RHOH: variants seen among roughly 807,000 people sequenced by gnomAD.
RHOH encodes rho-related GTP-binding protein RhoH.
Under a neutral mutation model 13.8 loss-of-function variants are expected in RHOH, and 6 were observed. That is an observed-to-expected ratio of 0.44 (90% confidence interval 0.24 to 0.86). RHOH has a LOEUF of 0.86. RHOH is among the 40% of genes least tolerant of loss of function. The pLI is 0.24. For synonymous variants in RHOH, 117 were observed against 103.0 expected (o/e 1.14, Z -0.82); for missense variants, 147 against 244.5 (o/e 0.60, Z 2.66).
chr4:40,202,228 C>T (rs900573167), intron 1 of RHOH, among the ~76,000 whole-genome samples: 3 of 152,020 alleles, frequency 2.0e-5, no homozygotes, highest in East Asian at 1.9e-4. Flanking sequence ...ATTACAGGCA[C>T]GTCACTGCGC....
At chr4:40,224,836 G>T (rs763650123) in intron 1 of RHOH, among the ~76,000 whole-genome samples, 1 of 152,248 alleles carries the variant, frequency 6.6e-6, no homozygotes, top group Non-Finnish European at 1.5e-5. Context: ...AAAGGAGAAT[G>T]CAAACTACAA....
chr4:40,211,262 A>T (rs1209346240), intron 1 of RHOH, among the ~76,000 whole-genome samples: 1 of 151,762 alleles, frequency 6.6e-6, no homozygotes, highest in African/African-American at 2.4e-5. Context: ...TTTTTTTTAA[A>T]TTTTATTTAT....
At chr4:40,226,556 A>G (rs1001140811) in intron 1 of RHOH, among the ~76,000 whole-genome samples, 1 of 151,792 alleles carries the variant, frequency 6.6e-6, no homozygotes, top group Non-Finnish European at 1.5e-5. Context: ...GAAAAAGAAA[A>G]AAATATCTAA....
At chr4:40,206,318 A>G (rs1724632271) in intron 1 of RHOH, among the ~76,000 whole-genome samples, 1 of 149,508 alleles carries the variant, frequency 6.7e-6, no homozygotes, top group Non-Finnish European at 1.5e-5. Flanking sequence ...CCTTTCTTGC[A>G]TTTTTTTTTC....
chr4:40,200,557 C>G lies in RHOH; in HGVS notation c.-331+3257C>G, dbSNP rs1440957022. The G allele has an allele frequency of 2.6e-5, 4 of 152,124 alleles. 1 individual carries two copies. Among genetic ancestry groups the G allele is most frequent in the Admixed American group, 2.6e-4 (4 of 15,282 alleles). The allele number at this position is 152,124 out of a possible 1,614,324, so 9.4% of individuals were successfully genotyped here. On this transcript the variant is annotated intron_variant, in intron 1 of 2. Transcript: ENST00000381799. Reference sequence around the variant, plus strand: ...AATCCAGAACTCTCCTACCAGGGCCCCAGAAACCGTAAGTTGAATAAGTGC... The same window carrying G: ...AATCCAGAACTCTCCTACCAGGGCCGCAGAAACCGTAAGTTGAATAAGTGC...
At chr4:40,202,589 G>C (rs1055571937) in intron 1 of RHOH, among the ~76,000 whole-genome samples, 1 of 152,220 alleles carries the variant, frequency 6.6e-6, no homozygotes, top group Non-Finnish European at 1.5e-5. Context: ...TTAACCGGTA[G>C]ATGTTACTGT....
At chr4:40,233,017 T>A (rs1166733180) in intron 1 of RHOH, among the ~76,000 whole-genome samples, 2 of 152,214 alleles carry the variant, frequency 1.3e-5, no homozygotes, top group Non-Finnish European at 2.9e-5. Context: ...TACTATTTGC[T>A]AGTACCTGTT....
intron 1 of RHOH, among the ~76,000 whole-genome samples, chr4:40,198,020 T>G (rs1723438981): frequency 1.3e-5 from 2 of 152,170 alleles, no homozygotes; most frequent in Non-Finnish European, 2.9e-5. Context: ...GCTGGTGCCG[T>G]GGAGGATATA....
At chr4:40,232,391 ATT>A (rs11324243) in intron 1 of RHOH, among the ~76,000 whole-genome samples, 135 of 147,774 alleles carry the variant, frequency 9.1e-4, no homozygotes, top group Admixed American at 9.4e-4. Flanking sequence ...TGCCTGGCTA[ATT>A]TTTTTTTTTT....
At chr4:40,220,597 A>G (rs1443054511) in intron 1 of RHOH, among the ~76,000 whole-genome samples, 1 of 152,152 alleles carries the variant, frequency 6.6e-6, no homozygotes, top group Non-Finnish European at 1.5e-5. Flanking sequence ...CAGAGACATT[A>G]TTAACTAAGT....
At chr4:40,223,260 C>G (rs1726797980) in intron 1 of RHOH, among the ~76,000 whole-genome samples, 2 of 152,168 alleles carry the variant, frequency 1.3e-5, no homozygotes, top group South Asian at 2.1e-4. Context: ...GCAAGAAGTT[C>G]TGCTGTGGAT....
chr4:40,195,354 TTTCCTTCCTTCCTTCCTTCC>T (rs376202855), upstream of RHOH, among the ~76,000 whole-genome samples: 114 of 92,046 alleles, frequency 1.2e-3, 1 homozygote, highest in African/African-American at 3.0e-3. Context: ...CTTTCTTTCT[TTTCCTTCCTTCCTTCCTTCC>T]TTCCTTCCTT....
upstream of RHOH, among the ~76,000 whole-genome samples, chr4:40,196,236 C>T (rs534354452): frequency 1.3e-5 from 2 of 152,186 alleles, no homozygotes; most frequent in African/African-American, 4.8e-5. Context: ...TTTGACCAAG[C>T]TATCACCGTG....
At chr4:40,229,293 T>A (rs1560277504) in intron 1 of RHOH, among the ~76,000 whole-genome samples, 1 of 152,170 alleles carries the variant, frequency 6.6e-6, no homozygotes. Context: ...CTTTTCTCTT[T>A]TGGTGATGCT....
At chr4:40,220,904 A>T (rs1437620341) in intron 1 of RHOH, among the ~76,000 whole-genome samples, 1 of 152,254 alleles carries the variant, frequency 6.6e-6, no homozygotes, top group Non-Finnish European at 1.5e-5. Flanking sequence ...TCTGATCCTT[A>T]ATCAGAAGCT....
At chr4:40,232,031 C>A (rs1728005555) in intron 1 of RHOH, among the ~76,000 whole-genome samples, 1 of 152,214 alleles carries the variant, frequency 6.6e-6, no homozygotes, top group African/African-American at 2.4e-5. Flanking sequence ...CAGGTAGCAC[C>A]TTTTTCCCTT....
intron 1 of RHOH, among the ~76,000 whole-genome samples, chr4:40,221,234 A>G (rs180993857): frequency 1.1e-3 from 162 of 152,316 alleles, no homozygotes; most frequent in Non-Finnish European, 1.9e-3. Context: ...GGGAAGATAG[A>G]TCGCACCAGA....
intron 1 of RHOH, among the ~76,000 whole-genome samples, chr4:40,208,215 T>TG (rs1389969166): frequency 2.6e-5 from 4 of 152,300 alleles, no homozygotes; most frequent in African/African-American, 9.6e-5. Flanking sequence ...TAAATGTTAG[T>TG]GCTCCTTCCT....
intron 1 of RHOH, among the ~76,000 whole-genome samples, chr4:40,198,524 A>G (rs1723527168): frequency 6.6e-6 from 1 of 152,176 alleles, no homozygotes; most frequent in Admixed American, 6.5e-5. Context: ...GCAGAATTCC[A>G]TGTGAGAGGG....
Sources: gnomAD v4.1 joint callset for allele counts (sites outside exome capture counted in the v4.1 genomes callset) on GRCh38, gnomAD v4.1.1 for gene constraint, MANE v1.5 for transcripts, NCBI Gene and HGNC (gene_info 2026-07-23, HGNC 2026-07-21) for gene names.